The following RIPOR2 variants were observed in gnomAD, a reference collection of about 807,000 sequenced individuals.
RIPOR2 encodes RHO family interacting cell polarization regulator 2.
Under a neutral mutation model 114.5 loss-of-function variants are expected in RIPOR2, and 39 were observed. The observed-to-expected ratio is 0.34, with a 90% CI of 0.26 to 0.44. The LOEUF is 0.44. RIPOR2 is among the 20% of genes least tolerant of loss of function. The probability of loss-of-function intolerance (pLI) is 1.00; values close to 1 mark genes in which losing one functional copy is unlikely to be tolerated. For synonymous variants in RIPOR2, 445 were observed against 484.4 expected, an observed-to-expected ratio of 0.92 and a Z score of 1.07; for missense variants, 1,007 against 1,255.1, an observed-to-expected ratio of 0.80 and a Z score of 2.99.
chr6:24,902,464 G>A (rs918067086), intron 1 of RIPOR2, among the ~76,000 whole-genome samples: 7 of 152,046 alleles, frequency 4.6e-5, no homozygotes, highest in Non-Finnish European at 8.8e-5. Flanking sequence ...CGATCCACTC[G>A]CCTCAGCCTC....
chr6:25,034,789 CA>C (rs934514487), intron 1 of RIPOR2, among the ~76,000 whole-genome samples: 4 of 152,216 alleles, frequency 2.6e-5, no homozygotes, highest in African/African-American at 9.6e-5. Context: ...CGGCTGGAGA[CA>C]GCTAAAATAT....
intron 1 of RIPOR2, among the ~76,000 whole-genome samples, chr6:24,918,889 C>T (rs1770279311): frequency 6.6e-6 from 1 of 152,214 alleles, no homozygotes; most frequent in Non-Finnish European, 1.5e-5. Flanking sequence ...CTCTGTAAAC[C>T]TGGAAACCAT....
chr6:25,000,454 C>A (rs1775253558), intron 1 of RIPOR2, among the ~76,000 whole-genome samples: 1 of 152,144 alleles, frequency 6.6e-6, no homozygotes. Context: ...AGTAAGTGCT[C>A]AATTAGTCAT....
chr6:24,818,663 TTTGTTCG>T (rs1759392228), intron 19 of RIPOR2, 38 bp from the exon 20 acceptor site: 2 of 1,416,434 alleles, frequency 1.4e-6, no homozygotes, highest in Non-Finnish European at 1.9e-6. Context: ...GGCATTTTGG[TTTGTTCG>T]TAGTTTAAGA....
At chr6:24,896,146 T>C (rs1182907535) in intron 1 of RIPOR2, among the ~76,000 whole-genome samples, 1 of 152,248 alleles carries the variant, frequency 6.6e-6, no homozygotes, top group Non-Finnish European at 1.5e-5. Flanking sequence ...AAATGCCTTC[T>C]ACTTCAGCAG....
chr6:24,942,666 A>G (rs1488423010), intron 1 of RIPOR2, among the ~76,000 whole-genome samples: 2 of 152,206 alleles, frequency 1.3e-5, no homozygotes, highest in Non-Finnish European at 2.9e-5. Flanking sequence ...ATGGCCAGTG[A>G]TGATGAGCAT....
In RIPOR2 at chr6:24,806,336, C is replaced by T; in HGVS notation, c.*37G>A. On this transcript the variant is annotated 3_prime_UTR_variant, in exon 22 of 22. Coordinates refer to ENST00000643898, the MANE Select transcript of RIPOR2 (RefSeq NM_001286445.3). ...ACAGCACCATCCTGATGAAAAGGGC[C>T]AGATATTAAGACAGCTGTTAGGCAG... is the stretch of plus-strand genomic sequence containing the variant. 1 of 1,359,930 alleles carries T rather than the reference C, an allele frequency of 7.4e-7. No individual in the cohort carries two copies. Among genetic ancestry groups the T allele is most frequent in the Non-Finnish European group, 1.0e-6 (1 of 972,150 alleles). 84.2% of individuals were successfully genotyped at this position (1,359,930 alleles called of 1,614,324 possible).
intron 1 of RIPOR2, among the ~76,000 whole-genome samples, chr6:24,934,845 C>T (rs534089182): frequency 1.7e-4 from 26 of 152,184 alleles, no homozygotes; most frequent in Admixed American, 7.2e-4. Flanking sequence ...AGTTAAATTC[C>T]AGTGGATAGG....
intron 1 of RIPOR2, among the ~76,000 whole-genome samples, chr6:25,029,237 G>A (rs1224575242): frequency 6.6e-6 from 1 of 151,636 alleles, no homozygotes; most frequent in Non-Finnish European, 1.5e-5. Context: ...GCAGTGAGCC[G>A]AGATCGCGAC....
chr6:24,959,881 T>C (rs1773225950), intron 1 of RIPOR2, among the ~76,000 whole-genome samples: 1 of 152,196 alleles, frequency 6.6e-6, no homozygotes, highest in Admixed American at 6.5e-5. Flanking sequence ...GGGGGGTCAA[T>C]GTTATGCCAC....
chr6:24,970,788 G>C (rs371847), intron 1 of RIPOR2, among the ~76,000 whole-genome samples: 125,168 of 152,170 alleles, frequency 0.82, 54,292 homozygotes, highest in East Asian at 0.96. Context: ...AGATTTCCAT[G>C]GAGTTTATGT....
intron 1 of RIPOR2, among the ~76,000 whole-genome samples, chr6:24,901,862 T>A (rs1768481748): frequency 6.6e-6 from 1 of 152,196 alleles, no homozygotes; most frequent in Admixed American, 6.5e-5. Context: ...GGTTTCCTAA[T>A]TTGTGAAATT....
At chr6:25,033,835 G>A (rs1326086041) in intron 1 of RIPOR2, among the ~76,000 whole-genome samples, 1 of 152,112 alleles carries the variant, frequency 6.6e-6, no homozygotes, top group East Asian at 1.9e-4. Context: ...GCTAAACAGA[G>A]TTTAAGATTT....
chr6:24,988,545 T>C (rs958576760), intron 1 of RIPOR2, among the ~76,000 whole-genome samples: 1 of 152,262 alleles, frequency 6.6e-6, no homozygotes, highest in African/African-American at 2.4e-5. Flanking sequence ...TTGTTTCAAC[T>C]GACCCACTGG....
At chr6:24,863,889 A>G (rs750610471) in intron 7 of RIPOR2, among the ~76,000 whole-genome samples, 43 of 152,364 alleles carry the variant, frequency 2.8e-4, no homozygotes, top group South Asian at 1.2e-3. Context: ...GCATAGAACT[A>G]TGTCACATAT....
chr6:24,913,150 A>AGTGTGTGTGT lies in RIPOR2; in HGVS notation c.61+22678_61+22687dup, dbSNP rs10598852. On this transcript the variant is annotated intron_variant, in intron 1 of 21. Coordinates refer to ENST00000643898, the MANE Select transcript of RIPOR2 (RefSeq NM_001286445.3). ...TGGGCATGACTGTGGGCATGACTTG[A>AGTGTGTGTGT]GTGTGTGTGTGTGTGTGTGTGTGTG... Among the ~76,000 whole-genome samples, 175 of 149,368 alleles carry AGTGTGTGTGT rather than the reference A, an allele frequency of 1.2e-3. 1 individual carries two copies. Among genetic ancestry groups the AGTGTGTGTGT allele is most frequent in the African/African-American group, 4.2e-3 (171 of 40,674 alleles).
intron 7 of RIPOR2, among the ~76,000 whole-genome samples, chr6:24,862,512 G>A (rs567907069): frequency 2.8e-4 from 43 of 152,324 alleles, no homozygotes; most frequent in African/African-American, 9.9e-4. Context: ...GAATGGCATT[G>A]CTTTTTCCCT....
chr6:24,857,000 T>C (rs2113811218), intron 8 of RIPOR2, among the ~76,000 whole-genome samples: 2 of 152,346 alleles, frequency 1.3e-5, no homozygotes, highest in Admixed American at 1.3e-4. Context: ...CAGCCCATGT[T>C]ACTAAGCAAA....
intron 1 of RIPOR2, among the ~76,000 whole-genome samples, chr6:24,884,965 GATATGATA>G (rs1420807468): frequency 6.6e-6 from 1 of 152,104 alleles, no homozygotes; most frequent in Non-Finnish European, 1.5e-5. Context: ...TCTGGAAAGT[GATATGATA>G]ATTTTCTTTC....
Sources: allele counts gnomAD v4.1 joint callset (sites outside exome capture counted in the v4.1 genomes callset), GRCh38; gene constraint gnomAD v4.1.1; transcripts MANE v1.5; gene names NCBI Gene and HGNC (gene_info 2026-07-23, HGNC 2026-07-21).